Variants in CEP97 observed in about 807,000 individuals in gnomAD.
CEP97 encodes centrosomal protein of 97 kDa.
In CEP97, 43 loss-of-function variants were observed where a neutral mutation model predicts 73.1. The observed-to-expected ratio is 0.59, with a 90% confidence interval of 0.46 to 0.76. CEP97 has a LOEUF of 0.76. Among genes scored for constraint, CEP97 ranks in the 30% least tolerant of loss-of-function variants. CEP97 has a pLI of 0.00. For missense variants in CEP97, 939 were observed against 1,014.0 expected (o/e 0.93, Z 1.00); for synonymous variants, 337 against 370.0 (o/e 0.91, Z 1.02).
chr3:101,745,567 A>G (rs1177374169), intron 6 of CEP97, among the ~76,000 whole-genome samples: 1 of 151,476 alleles, frequency 6.6e-6, no homozygotes, highest in Non-Finnish European at 1.5e-5. Context: ...CACCTAGCCA[A>G]TATCCTTTTT....
intron 6 of CEP97, among the ~76,000 whole-genome samples, chr3:101,733,513 C>CT (rs1015663471): frequency 3.3e-4 from 49 of 149,032 alleles, no homozygotes; most frequent in African/African-American, 1.0e-3. Flanking sequence ...TCCTCCTCTT[C>CT]TTTTTTTTTT....
At chr3:101,744,234 G>C (rs1938542503) in intron 6 of CEP97, among the ~76,000 whole-genome samples, 1 of 151,628 alleles carries the variant, frequency 6.6e-6, no homozygotes, top group South Asian at 2.1e-4. Context: ...TTTCACAGCA[G>C]CCCTATTCAT....
intron 6 of CEP97, among the ~76,000 whole-genome samples, chr3:101,739,921 G>A (rs6783470): frequency 1 from 151,255 of 151,258 alleles, 75,626 homozygotes; most frequent in Middle Eastern, 1. Context: ...AAAAAAATCA[G>A]CACCCCTTCA....
In CEP97 at chr3:101,724,639, G is replaced by C; in HGVS notation, c.-38G>C. The C allele has an allele frequency of 6.2e-7, 1 of 1,613,710 alleles. No homozygotes were observed. The highest frequency in any genetic ancestry group is 8.5e-7 in the Non-Finnish European group (1 of 1,179,652). On this transcript the variant is annotated 5_prime_UTR_variant, in exon 1 of 11. Coordinates refer to ENST00000341893, the MANE Select transcript of CEP97 (RefSeq NM_024548.4). ...AGATTACAAGCTCCACAGAGCCGCG[G>C]GAGGACGGTTGCCTGGTATTATTAG...
intron 6 of CEP97, among the ~76,000 whole-genome samples, chr3:101,740,269 C>G (rs191024752): frequency 9.8e-5 from 15 of 152,318 alleles, no homozygotes; most frequent in Admixed American, 5.2e-4. Flanking sequence ...TAAGCAACTT[C>G]AGCAAAGTCT....
intron 9 of CEP97, among the ~76,000 whole-genome samples, chr3:101,761,908 C>A (rs541182186): frequency 6.6e-6 from 1 of 152,110 alleles, no homozygotes; most frequent in Admixed American, 6.5e-5. Context: ...TGAGCCCAGA[C>A]CTCAGACTTT....
At chr3:101,756,952 C>G (rs1939021036) in intron 7 of CEP97, 111 bp from the exon 8 acceptor site, 2 of 960,238 alleles carry the variant, frequency 2.1e-6, no homozygotes, top group Admixed American at 5.5e-5. Flanking sequence ...TTAAAAGTAC[C>G]TACTTTGAGA....
chr3:101,758,688 G>A, intron 9 of CEP97: 1 of 387,982 alleles, frequency 2.6e-6, no homozygotes. Flanking sequence ...AGCTTTATAG[G>A]GATCTATAAT....
At chr3:101,754,628 C>T (rs1938952489) in intron 6 of CEP97, among the ~76,000 whole-genome samples, 1 of 152,208 alleles carries the variant, frequency 6.6e-6, no homozygotes, top group South Asian at 2.1e-4. Flanking sequence ...CATCCGAAGG[C>T]TTAACTTGGC....
intron 7 of CEP97, 111 bp downstream of exon 7, chr3:101,755,705 C>T: frequency 2.0e-6 from 2 of 1,020,996 alleles, no homozygotes; most frequent in Non-Finnish European, 2.9e-6. Context: ...CATTTCTGGA[C>T]ACTCAGTCCC....
At position 101,747,122 on chromosome 3, in the gene CEP97, G is replaced by C. The variant is rs1013200096; in HGVS notation, c.729-8308G>C. ...CAACCATTGTGGAAGTCAGTGTGGCGATTCCTCAGGAATCTAGAACTAGAA... is the reference window on the plus strand; with the variant it reads ...CAACCATTGTGGAAGTCAGTGTGGCCATTCCTCAGGAATCTAGAACTAGAA... On this transcript the variant is annotated intron_variant, in intron 6 of 10. Transcript: ENST00000341893. Among the ~76,000 whole-genome samples the C allele has an allele frequency of 6.0e-5, 9 of 150,172 alleles. No homozygotes were observed. The East Asian group carries it at 1.6e-3, about 26-fold the overall frequency.
intron 6 of CEP97, among the ~76,000 whole-genome samples, chr3:101,754,613 A>G (rs970171491): frequency 6.6e-6 from 1 of 152,220 alleles, no homozygotes; most frequent in African/African-American, 2.4e-5. Context: ...AGATGGGGCT[A>G]GAGTCATCCG....
chr3:101,754,837 C>G (rs1938958593), intron 6 of CEP97, among the ~76,000 whole-genome samples: 1 of 151,654 alleles, frequency 6.6e-6, no homozygotes, highest in Non-Finnish European at 1.5e-5. Flanking sequence ...TTGACATATT[C>G]CTCTCCCTTT....
chr3:101,758,592 A>T (rs1644514947), intron 9 of CEP97, 169 bp downstream of exon 9: 4 of 729,696 alleles, frequency 5.5e-6, no homozygotes, highest in Admixed American at 5.5e-5. Flanking sequence ...GAGAGCAGAC[A>T]CTATCTGCTC....
intron 6 of CEP97, among the ~76,000 whole-genome samples, chr3:101,748,399 C>T (rs1355983046): frequency 1.3e-5 from 2 of 151,866 alleles, no homozygotes; most frequent in Non-Finnish European, 2.9e-5. Context: ...CAAACTTGAG[C>T]CCTTTCTTCT....
chr3:101,735,821 G>A (rs1218897158), intron 6 of CEP97, among the ~76,000 whole-genome samples: 1 of 152,108 alleles, frequency 6.6e-6, no homozygotes, highest in African/African-American at 2.4e-5. Flanking sequence ...ATATCCCAGT[G>A]GCGCCTGGAA....
chr3:101,765,736 A>G lies in CEP97; in HGVS notation c.*185A>G. On this transcript the variant is annotated 3_prime_UTR_variant, in exon 11 of 11. Transcript: ENST00000341893. Reference sequence around the variant, plus strand: ...GCTGAGTTTTCATTTTGATTTTGTTAGCTTTTTACTTAGCTGTAAGGTACC... The same window carrying G: ...GCTGAGTTTTCATTTTGATTTTGTTGGCTTTTTACTTAGCTGTAAGGTACC... 1 of 571,742 alleles carries G rather than the reference A, an allele frequency of 1.7e-6. No homozygotes were observed. The highest frequency in any genetic ancestry group is 3.0e-6 in the Non-Finnish European group (1 of 328,572). 35.4% of individuals were successfully genotyped at this position (571,742 alleles called of 1,614,324 possible). A position where few individuals can be genotyped will look rare whatever the true frequency, so the allele number is the denominator to read the frequency against.
chr3:101,727,401 C>A lies in CEP97; in HGVS notation c.205C>A (p.Arg69=). The A allele has an allele frequency of 1.2e-6, 2 of 1,612,630 alleles. No homozygotes were observed. Among genetic ancestry groups the A allele is most frequent in the Non-Finnish European group, 1.7e-6 (2 of 1,179,386 alleles). Residue 69 remains arginine, a synonymous_variant, in exon 3 of 11, where the codon CGG becomes AGG. Transcript: ENST00000341893. ...TTTACAGTTATCAGTAGCTAATAAT[C>A]GGCTGGTTCGGATGATGGGTGTGGC... ...RLIQLSVANN[R]LVRMMGVAKL...
At chr3:101,742,709 A>G (rs1165212469) in intron 6 of CEP97, among the ~76,000 whole-genome samples, 1 of 151,874 alleles carries the variant, frequency 6.6e-6, no homozygotes, top group Admixed American at 6.6e-5. Context: ...CATTCTGCAC[A>G]AGTATCCCAG....
Sources: allele counts gnomAD v4.1 joint callset (sites outside exome capture counted in the v4.1 genomes callset), GRCh38; gene constraint gnomAD v4.1.1; transcripts MANE v1.5; gene names NCBI Gene and HGNC (gene_info 2026-07-23, HGNC 2026-07-21).